Variants in CAP2 observed in about 807,000 individuals in gnomAD.
CAP2 encodes the protein adenylyl cyclase-associated protein 2.
CAP2 carries 24 observed loss-of-function variants against 57.7 expected under a neutral mutation model. The observed-to-expected ratio is 0.42, with a 90% CI of 0.30 to 0.58. CAP2 has a LOEUF of 0.58. CAP2 is among the 20% of genes least tolerant of loss of function. The pLI is 0.22. For missense variants in CAP2, 501 were observed against 590.3 expected, an observed-to-expected ratio of 0.85 and a Z score of 1.57; for synonymous variants, 194 against 207.2, an observed-to-expected ratio of 0.94 and a Z score of 0.55.
intron 3 of CAP2, among the ~76,000 whole-genome samples, chr6:17,444,937 T>C (rs1760214040): frequency 2.0e-5 from 3 of 151,908 alleles, no homozygotes; most frequent in African/African-American, 4.8e-5. Flanking sequence ...TTGAGGAAAG[T>C]GAGCCATTGA....
chr6:17,496,449 C>A lies in CAP2; in HGVS notation c.301-10720C>A, dbSNP rs144545930. On this transcript the variant is annotated intron_variant, in intron 4 of 12. Transcript: ENST00000229922. ...CATGTTGAGCTACTCACCAAATGAG[C>A]TAGTGCTCTATGGGATGCATTGCTC... is the stretch of plus-strand genomic sequence containing the variant. 2.0e-5 allele frequency among the ~76,000 whole-genome samples: 3 copies of A among 152,232 alleles called. 1 individual carries two copies. The South Asian group carries it at 6.2e-4, about 32-fold the overall frequency.
At chr6:17,516,546 C>G (rs1378864106) in intron 7 of CAP2, among the ~76,000 whole-genome samples, 1 of 152,284 alleles carries the variant, frequency 6.6e-6, no homozygotes, top group East Asian at 1.9e-4. Context: ...CAAAATCTCA[C>G]AAATTACCAC....
intron 3 of CAP2, among the ~76,000 whole-genome samples, chr6:17,428,649 A>G (rs1342912351): frequency 9.3e-5 from 14 of 150,372 alleles, no homozygotes; most frequent in African/African-American, 2.9e-4. Flanking sequence ...GGGGAGGGAT[A>G]GCATTGGGAG....
rs757317815 is a variant in CAP2 at position 17,421,636 on chromosome 6, G to A, written c.81G>A (p.Arg27=). 3 of 1,613,946 alleles carry A rather than the reference G, an allele frequency of 1.9e-6. No individual in the cohort carries two copies. In the South Asian group the frequency reaches 3.3e-5, roughly 18 times the overall value. The change falls in exon 2 of 13, where the codon AGG becomes AGA. Residue 27 remains arginine, a synonymous_variant. Coordinates refer to ENST00000229922, the MANE Select transcript of CAP2 (RefSeq NM_006366.3). ...AGTCGCTGTCTGCAGAGTCCCACAGGCCCCCTGGGAACTGCGGGGAAGTCA... is the reference window on the plus strand; with the variant it reads ...AGTCGCTGTCTGCAGAGTCCCACAGACCCCCTGGGAACTGCGGGGAAGTCA... The part of the protein sequence containing the change: ...RLESLSAESH[R]PPGNCGEVNG...
chr6:17,547,826 G>A (rs1165626861), intron 11 of CAP2, among the ~76,000 whole-genome samples: 1 of 141,664 alleles, frequency 7.1e-6, no homozygotes, highest in Admixed American at 7.3e-5. Flanking sequence ...GGGCAACAGA[G>A]TGAGACTCTG....
intron 12 of CAP2, among the ~76,000 whole-genome samples, chr6:17,553,144 A>C (rs997536366): frequency 3.9e-5 from 6 of 152,170 alleles, no homozygotes; most frequent in African/African-American, 1.4e-4. Context: ...GCTCAGCTGC[A>C]TGGGACTGGA....
intron 4 of CAP2, among the ~76,000 whole-genome samples, chr6:17,496,035 G>GGGGC (rs1016471391): frequency 5.4e-5 from 7 of 130,658 alleles, no homozygotes; most frequent in South Asian, 2.9e-4. Flanking sequence ...GGTGGGGGGG[G>GGGGC]GGGGTAAGTC....
intron 4 of CAP2, among the ~76,000 whole-genome samples, chr6:17,497,135 A>G (rs1269455728): frequency 6.6e-6 from 1 of 152,236 alleles, no homozygotes; most frequent in Non-Finnish European, 1.5e-5. Flanking sequence ...TCAAAGAACT[A>G]ATTTCTGATC....
At chr6:17,526,956 CAAAAA>C (rs1221212193) in intron 7 of CAP2, among the ~76,000 whole-genome samples, 4 of 80,114 alleles carry the variant, frequency 5.0e-5, no homozygotes, top group Non-Finnish European at 6.8e-5. Context: ...GACTCTGTCT[CAAAAA>C]AAAAAAAAAA....
intron 7 of CAP2, among the ~76,000 whole-genome samples, chr6:17,517,268 C>T (rs940676056): frequency 1.5e-4 from 23 of 152,282 alleles, no homozygotes; most frequent in Non-Finnish European, 2.4e-4. Flanking sequence ...TCAACAAATG[C>T]TAGCCTGTTA....
intron 11 of CAP2, among the ~76,000 whole-genome samples, chr6:17,544,762 G>T (rs747170053): frequency 5.3e-5 from 8 of 152,048 alleles, no homozygotes; most frequent in Non-Finnish European, 1.2e-4. Flanking sequence ...GCCATATTGG[G>T]CAGGCTGGTC....
At chr6:17,429,236 C>T (rs1378767490) in intron 3 of CAP2, among the ~76,000 whole-genome samples, 6 of 152,164 alleles carry the variant, frequency 3.9e-5, no homozygotes, top group Non-Finnish European at 8.8e-5. Flanking sequence ...ATATTATCTG[C>T]AATACACTGA....
intron 7 of CAP2, chr6:17,531,067 G>T (rs1049158765): frequency 1.5e-5 from 12 of 777,386 alleles, no homozygotes; most frequent in East Asian, 2.4e-5. Flanking sequence ...TAGATCTCAT[G>T]AATCAGATCC....
chr6:17,505,997 CT>C (rs1378053679), intron 4 of CAP2, among the ~76,000 whole-genome samples: 7 of 152,124 alleles, frequency 4.6e-5, no homozygotes, highest in African/African-American at 1.7e-4. Context: ...GTAATTCTAA[CT>C]CTCCCAGGAT....
intron 4 of CAP2, among the ~76,000 whole-genome samples, chr6:17,470,844 G>C (rs1760999138): frequency 6.6e-6 from 1 of 152,172 alleles, no homozygotes; most frequent in African/African-American, 2.4e-5. Context: ...AACTCATAGG[G>C]ATTTTCCAGA....
chr6:17,483,149 G>T (rs1032083958), intron 4 of CAP2, among the ~76,000 whole-genome samples: 6 of 151,908 alleles, frequency 3.9e-5, no homozygotes, highest in African/African-American at 1.2e-4. Flanking sequence ...GCTGCCAGTT[G>T]GTGGGGTTTC....
At chr6:17,415,209 A>G (rs149439679) in intron 1 of CAP2, among the ~76,000 whole-genome samples, 174 of 152,338 alleles carry the variant, frequency 1.1e-3, no homozygotes, top group African/African-American at 4.1e-3. Flanking sequence ...GCAATCAGGA[A>G]ACCTGAAAGA....
At position 17,430,621 on chromosome 6, in the gene CAP2, C is replaced by T. The variant is rs2206611; in HGVS notation, c.222+3931C>T. Among the ~76,000 whole-genome samples the T allele has an allele frequency of 2.1e-3, 324 of 151,952 alleles. 2 individuals carry two copies. The highest frequency in any genetic ancestry group is 7.6e-3 in the African/African-American group (313 of 41,430). On this transcript the variant is annotated intron_variant, in intron 3 of 12. Transcript: ENST00000229922. ...TGGCGTGATCTGAGCTCACTGCAACCTCCACCTCCCGGGTTCAAGCGATTC... is the reference window on the plus strand; with the variant it reads ...TGGCGTGATCTGAGCTCACTGCAACTTCCACCTCCCGGGTTCAAGCGATTC...
chr6:17,509,884 TA>T (rs200595409), intron 6 of CAP2, among the ~76,000 whole-genome samples: 17 of 150,454 alleles, frequency 1.1e-4, no homozygotes, highest in African/African-American at 2.7e-4. Flanking sequence ...TATTTGGCCA[TA>T]AAAAAAAAGA....
Sources: allele counts gnomAD v4.1 joint callset (sites outside exome capture counted in the v4.1 genomes callset), GRCh38; gene constraint gnomAD v4.1.1; transcripts MANE v1.5; gene names NCBI Gene and HGNC (gene_info 2026-07-23, HGNC 2026-07-21).